The following QRFPR variants were observed in gnomAD, a reference collection of about 807,000 sequenced individuals.
The protein encoded by QRFPR is pyroglutamylated RF-amide peptide receptor.
In QRFPR, 37 loss-of-function variants were observed where a neutral mutation model predicts 31.3. That is an observed-to-expected ratio of 1.18 (90% CI 0.91 to 1.56). The LOEUF is 1.56. QRFPR is among the 40% of genes most tolerant of loss of function. The probability of loss-of-function intolerance (pLI) is 0.00; values close to 1 mark genes in which losing one functional copy is unlikely to be tolerated. For missense variants in QRFPR, 542 were observed against 532.5 expected, an observed-to-expected ratio of 1.02 and a Z score of -0.18; for synonymous variants, 197 against 192.0, an observed-to-expected ratio of 1.03 and a Z score of -0.22.
At chr4:121,346,229 A>G (rs1054713341) in intron 1 of QRFPR, among the ~76,000 whole-genome samples, 6 of 152,234 alleles carry the variant, frequency 3.9e-5, no homozygotes, top group African/African-American at 1.2e-4. Flanking sequence ...TAAACAAATC[A>G]TATTCAAACA....
At chr4:121,375,528 G>A (rs1726334799) in intron 1 of QRFPR, among the ~76,000 whole-genome samples, 1 of 152,052 alleles carries the variant, frequency 6.6e-6, no homozygotes, top group South Asian at 2.1e-4. Flanking sequence ...TTAGACTTTG[G>A]GCAGAGGAAC....
chr4:121,333,880 T>C (rs1725384046), intron 3 of QRFPR, among the ~76,000 whole-genome samples: 1 of 152,180 alleles, frequency 6.6e-6, no homozygotes, highest in African/African-American at 2.4e-5. Flanking sequence ...GCTGAATACT[T>C]GGGTCTCAGA....
chr4:121,340,674 C>T (rs1302486200), intron 1 of QRFPR, 64 bp from the exon 2 acceptor site: 7 of 1,487,102 alleles, frequency 4.7e-6, no homozygotes, highest in Non-Finnish European at 5.5e-6. Context: ...TCATCTGTGT[C>T]TTTGTAATTA....
chr4:121,338,381 C>T (rs1725472803), intron 2 of QRFPR, among the ~76,000 whole-genome samples: 1 of 152,124 alleles, frequency 6.6e-6, no homozygotes, highest in African/African-American at 2.4e-5. Flanking sequence ...ACACAGTGAC[C>T]ACATCTGGGC....
chr4:121,362,488 A>G (rs1431775224), intron 1 of QRFPR, among the ~76,000 whole-genome samples: 1 of 149,984 alleles, frequency 6.7e-6, no homozygotes, highest in Non-Finnish European at 1.5e-5. Context: ...TAAAGTTTAT[A>G]TGGAGAGGCA....
intron 3 of QRFPR, among the ~76,000 whole-genome samples, chr4:121,335,524 C>T (rs1017885343): frequency 1.4e-5 from 2 of 140,684 alleles, no homozygotes; most frequent in Non-Finnish European, 3.0e-5. Context: ...GCTTCCTCTC[C>T]CCATTTTCCT....
At chr4:121,377,287 A>T (rs1046456979) in intron 1 of QRFPR, among the ~76,000 whole-genome samples, 1 of 152,140 alleles carries the variant, frequency 6.6e-6, no homozygotes, top group Non-Finnish European at 1.5e-5. Context: ...TAGAGGAGAC[A>T]GTCTTCCTTT....
chr4:121,342,111 T>C (rs1725554543), intron 1 of QRFPR, among the ~76,000 whole-genome samples: 1 of 152,150 alleles, frequency 6.6e-6, no homozygotes, highest in Admixed American at 6.5e-5. Flanking sequence ...TTGGGCAGCG[T>C]CCAATCCACT....
chr4:121,365,206 C>T (rs186131058), intron 1 of QRFPR, among the ~76,000 whole-genome samples: 15 of 148,280 alleles, frequency 1.0e-4, no homozygotes, highest in Admixed American at 4.0e-4. Context: ...AGGAATATAA[C>T]TGATTCCTAA....
At chr4:121,359,487 C>A (rs751038350) in intron 1 of QRFPR, among the ~76,000 whole-genome samples, 1 of 152,092 alleles carries the variant, frequency 6.6e-6, no homozygotes, top group Non-Finnish European at 1.5e-5. Flanking sequence ...TTCTCCCATG[C>A]TGGAAGCTTC....
Position 121,380,689 on chromosome 4 carries a change from G to T in QRFPR, c.-42C>A. On this transcript the variant is annotated 5_prime_UTR_variant, in exon 1 of 6. Transcript: ENST00000394427. ...GACGCGGGGCCACCGCCCGCTACTGGCTGGCCATCCGCATCTGCGGGGCAG... is the reference window on the plus strand; with the variant it reads ...GACGCGGGGCCACCGCCCGCTACTGTCTGGCCATCCGCATCTGCGGGGCAG... The T allele has an allele frequency of 6.8e-7, 1 of 1,460,072 alleles. No homozygotes were observed. Among genetic ancestry groups the T allele is most frequent in the Non-Finnish European group, 9.1e-7 (1 of 1,099,552 alleles). 90.4% of individuals were successfully genotyped at this position (1,460,072 alleles called of 1,614,324 possible).
chr4:121,344,960 T>C (rs1263724217), intron 1 of QRFPR, among the ~76,000 whole-genome samples: 1 of 152,244 alleles, frequency 6.6e-6, no homozygotes, highest in Non-Finnish European at 1.5e-5. Flanking sequence ...AACTGTTTAC[T>C]TGGGATATCC....
rs559267704 is a variant in QRFPR, at chr4:121,331,953, C to T, written c.797+868G>A. 1.7e-3 allele frequency among the ~76,000 whole-genome samples: 253 copies of T among 152,282 alleles called. 4 individuals are homozygous for T. The highest frequency in any genetic ancestry group is 5.8e-3 in the African/African-American group (240 of 41,562). On this transcript the variant is annotated intron_variant, in intron 4 of 5. Transcript: ENST00000394427. ...CAGGCGTGAGCCGCTGCACCTGGTCCATTATCTCTTATTTCAACATGGCAG... is the reference window on the plus strand; with the variant it reads ...CAGGCGTGAGCCGCTGCACCTGGTCTATTATCTCTTATTTCAACATGGCAG...
intron 1 of QRFPR, among the ~76,000 whole-genome samples, chr4:121,361,779 C>G (rs1386538552): frequency 6.7e-6 from 1 of 149,908 alleles, no homozygotes; most frequent in Non-Finnish European, 1.5e-5. Flanking sequence ...ATTTTTTTCA[C>G]GAGGTAACTA....
chr4:121,334,799 T>A (rs1006715116), intron 3 of QRFPR, among the ~76,000 whole-genome samples: 1 of 152,122 alleles, frequency 6.6e-6, no homozygotes, highest in Admixed American at 6.5e-5. Context: ...AGAGCGGCAG[T>A]GAGAAATGCT....
intron 4 of QRFPR, 151 bp downstream of exon 4, chr4:121,332,670 C>T (rs1453019521): frequency 1.6e-6 from 1 of 632,080 alleles, no homozygotes; most frequent in African/African-American, 1.8e-5. Context: ...TGTAAAACTT[C>T]AAGAGTTTAA....
intron 2 of QRFPR, among the ~76,000 whole-genome samples, chr4:121,338,769 G>C (rs1359575724): frequency 1.3e-5 from 2 of 152,234 alleles, no homozygotes; most frequent in Admixed American, 6.5e-5. Context: ...GATGAGTCTA[G>C]TTGATTTTAA....
intron 1 of QRFPR, among the ~76,000 whole-genome samples, chr4:121,372,909 G>A (rs961731739): frequency 2.6e-5 from 4 of 152,142 alleles, no homozygotes; most frequent in African/African-American, 9.7e-5. Context: ...TCACACTTGG[G>A]CAAAAGACAG....
At chr4:121,369,378 G>A in intron 1 of QRFPR, 1 of 677,078 alleles carries the variant, frequency 1.5e-6, no homozygotes. Flanking sequence ...AGATAAAAGG[G>A]CAGTGGAGTG....
Sources: allele counts gnomAD v4.1 joint callset (sites outside exome capture counted in the v4.1 genomes callset), GRCh38; gene constraint gnomAD v4.1.1; transcripts MANE v1.5; gene names NCBI Gene and HGNC (gene_info 2026-07-23, HGNC 2026-07-21).